Variants in MTR observed in about 807,000 individuals in gnomAD.
MTR encodes the protein methionine synthase.
Under a neutral mutation model 154.8 loss-of-function variants are expected in MTR, and 84 were observed. The ratio of observed to expected loss-of-function variants is 0.54; its 90% CI spans 0.45 to 0.65. The LOEUF (loss-of-function observed/expected upper bound fraction) is 0.65, where lower values mean the gene tolerates loss of function less well. Among genes scored for constraint, MTR ranks in the 30% least tolerant of loss-of-function variants. MTR has a pLI of 0.00. For synonymous variants in MTR, 554 were observed against 553.9 expected, an observed-to-expected ratio of 1.00 and a Z score of 0.00; for missense variants, 1,275 against 1,570.2, an observed-to-expected ratio of 0.81 and a Z score of 3.18.
chr1:236,875,744 A>G (rs1665396070), intron 24 of MTR, among the ~76,000 whole-genome samples: 1 of 152,216 alleles, frequency 6.6e-6, no homozygotes, highest in South Asian at 2.1e-4. Flanking sequence ...TGCAAAAGAA[A>G]AGTGTTCCTT....
In MTR at chr1:236,903,150, C is replaced by CT. The variant is rs1438012334; in HGVS notation, c.*5507dup. 6.6e-6 allele frequency: 1 copy of CT among 152,122 alleles called. No individual in the cohort carries two copies. The highest frequency in any genetic ancestry group is 1.5e-5 in the Non-Finnish European group (1 of 68,024). 9.4% of individuals were successfully genotyped at this position (152,122 alleles called of 1,614,324 possible). On this transcript the variant is annotated 3_prime_UTR_variant, in exon 33 of 33. Coordinates refer to ENST00000366577, the MANE Select transcript of MTR (RefSeq NM_000254.3). ...TCTTAAAAAATAAAAAATAAAAAGT[C>CT]TAAGAGGATACACAGAAATTTTTAA...
At chr1:236,840,994 C>T (rs1663196686) in intron 15 of MTR, among the ~76,000 whole-genome samples, 1 of 152,088 alleles carries the variant, frequency 6.6e-6, no homozygotes, top group Non-Finnish European at 1.5e-5. Context: ...GGTGTGGGAC[C>T]TTTTGATAAT....
chr1:236,851,264 C>T (rs1252138066), intron 16 of MTR, among the ~76,000 whole-genome samples: 3 of 152,306 alleles, frequency 2.0e-5, no homozygotes, highest in Non-Finnish European at 4.4e-5. Flanking sequence ...CTTATTTCAG[C>T]TCTCATCCTG....
At position 236,889,326 on chromosome 1, in the gene MTR, C is replaced by A; in HGVS notation, c.2997C>A (p.Asp999Glu). 6.2e-7 allele frequency: 1 copy of A among 1,614,198 alleles called. No homozygotes were observed. The highest frequency in any genetic ancestry group is 8.5e-7 in the Non-Finnish European group (1 of 1,180,042). ...GAGGCTTTCCCAAGATATTTAACGA[C>A]AAAACAGTAGGTTAGTGCAGTAAGT... ...PNRGFPKIFNDKTVGGEARKV... is the reference protein window; with the variant it reads ...PNRGFPKIFNEKTVGGEARKV... The change falls in exon 28 of 33, where the codon GAC becomes GAA. Residue 999 changes from aspartate (D) to glutamate (E), a missense_variant. Coordinates refer to ENST00000366577, the MANE Select transcript of MTR (RefSeq NM_000254.3).
intron 7 of MTR, 58 bp from the exon 8 acceptor site, chr1:236,816,391 A>C: frequency 7.1e-7 from 1 of 1,414,106 alleles, no homozygotes; most frequent in Non-Finnish European, 1.0e-6. Flanking sequence ...TTTTGCCTTT[A>C]TATCTATATT....
intron 5 of MTR, among the ~76,000 whole-genome samples, chr1:236,811,979 T>C (rs1424284246): frequency 6.6e-6 from 1 of 152,218 alleles, no homozygotes; most frequent in Non-Finnish European, 1.5e-5. Context: ...CTCCTGGGTT[T>C]GAGCGATTAT....
chr1:236,870,958 T>A (rs1459257674), intron 22 of MTR, among the ~76,000 whole-genome samples: 1 of 152,170 alleles, frequency 6.6e-6, no homozygotes, highest in African/African-American at 2.4e-5. Flanking sequence ...TCTCACTACC[T>A]ACACTGCTTC....
intron 16 of MTR, among the ~76,000 whole-genome samples, chr1:236,851,568 A>G (rs1355095867): frequency 6.6e-6 from 1 of 152,236 alleles, no homozygotes; most frequent in Non-Finnish European, 1.5e-5. Context: ...GTTGACAAAA[A>G]TGTCATCAGA....
intron 15 of MTR, among the ~76,000 whole-genome samples, chr1:236,846,244 A>G (rs1025089853): frequency 6.6e-6 from 1 of 152,252 alleles, no homozygotes; most frequent in African/African-American, 2.4e-5. Flanking sequence ...TGGGACAAGT[A>G]TACTGACTCT....
At chr1:236,871,932 C>T in intron 22 of MTR, among the ~76,000 whole-genome samples, 1 of 152,020 alleles carries the variant, frequency 6.6e-6, no homozygotes, top group East Asian at 1.9e-4. Flanking sequence ...CCCTTCCTGC[C>T]CCAGCGTTCA....
chr1:236,860,311 T>A (rs1006819848), intron 19 of MTR, among the ~76,000 whole-genome samples: 1 of 152,108 alleles, frequency 6.6e-6, no homozygotes, highest in African/African-American at 2.4e-5. Context: ...CAAGTCAGTT[T>A]CATAGTTGGA....
chr1:236,889,762 G>A (rs1666214415), intron 28 of MTR, among the ~76,000 whole-genome samples: 1 of 152,176 alleles, frequency 6.6e-6, no homozygotes, highest in African/African-American at 2.4e-5. Flanking sequence ...TGACGATTCA[G>A]TGGGAGTTGC....
intron 16 of MTR, 98 bp from the exon 17 acceptor site, chr1:236,852,423 G>GTTTTTT: frequency 2.3e-6 from 2 of 875,640 alleles, no homozygotes; most frequent in Non-Finnish European, 3.8e-6. Flanking sequence ...GATGCTTTTT[G>GTTTTTT]TTTTTTTTTC....
chr1:236,895,231 A>T (rs888217922), intron 30 of MTR, 127 bp from the exon 31 acceptor site: 8 of 1,061,992 alleles, frequency 7.5e-6, no homozygotes, highest in Non-Finnish European at 9.9e-6. Context: ...CCTCTTGTCA[A>T]ATTTCCCCTG....
rs554262345 is a variant in MTR at position 236,851,390 on chromosome 1, C to T, written c.1695+867C>T. ...CTAGTGCTGTCTAGTGTTCTAAGCA[C>T]AAGAAGGCTGTGATGTTCCTTAGGG... On this transcript the variant is annotated intron_variant, in intron 16 of 32. Coordinates refer to ENST00000366577, the MANE Select transcript of MTR (RefSeq NM_000254.3). 2.6e-5 allele frequency among the ~76,000 whole-genome samples: 4 copies of T among 152,290 alleles called. No homozygotes were observed. In the South Asian group the frequency reaches 8.3e-4, roughly 32 times the overall value.
At chr1:236,802,229 G>A (rs1041113194) in intron 1 of MTR, among the ~76,000 whole-genome samples, 7 of 152,168 alleles carry the variant, frequency 4.6e-5, no homozygotes, top group Admixed American at 6.5e-5. Flanking sequence ...CAGAAATCAG[G>A]AGATGAGACA....
In MTR at chr1:236,886,314, G is replaced by A; in HGVS notation, c.2798G>A (p.Ser933Asn). 2 of 1,614,130 alleles carry A rather than the reference G, an allele frequency of 1.2e-6. No individual in the cohort carries two copies. The highest frequency in any genetic ancestry group is 1.3e-5 in the African/African-American group (1 of 75,052). Reference protein sequence around the residue: ...SLKERRYLPLSQARKSGFQMD... With the variant: ...SLKERRYLPLNQARKSGFQMD... ...CAGGAGAGGAGATACTTACCCTTAAGTCAAGCCAGAAAAAGTGGTTTCCAA... is the reference window on the plus strand; with the variant it reads ...CAGGAGAGGAGATACTTACCCTTAAATCAAGCCAGAAAAAGTGGTTTCCAA... The change falls in exon 27 of 33, where the codon AGT becomes AAT. Residue 933 changes from serine (S) to asparagine (N), a missense_variant. By Grantham distance (46) the Ser-to-Asn change is conservative. Transcript: ENST00000366577.
intron 19 of MTR, 28 bp from the exon 20 acceptor site, chr1:236,861,097 C>CTTTTTTTTTTTTTTTTTTCTTTTTTTTT: frequency 1.7e-6 from 2 of 1,156,660 alleles, no homozygotes; most frequent in Non-Finnish European, 2.3e-6. Flanking sequence ...CTTTCTTTTT[C>CTTTTTTTTTTTTTTTTTTCTTTTTTTTT]TTTTTTTTTT....
At position 236,795,305 on chromosome 1, in the gene MTR, C is replaced by T. The variant is rs979284232; in HGVS notation, c.-399C>T. 1 of 1,225,086 alleles carries T rather than the reference C, an allele frequency of 8.2e-7. No homozygotes were observed. The highest frequency in any genetic ancestry group is 1.0e-6 in the Non-Finnish European group (1 of 958,332). 75.9% of individuals were successfully genotyped at this position (1,225,086 alleles called of 1,614,324 possible). A position where few individuals can be genotyped will look rare whatever the true frequency, so the allele number is the denominator to read the frequency against. Reference sequence around the variant, plus strand: ...TAGATTGAGCGCAGAACTAACCGCGCTCTGAAAGGTTCTAAATGTCTGCGG... The same window carrying T: ...TAGATTGAGCGCAGAACTAACCGCGTTCTGAAAGGTTCTAAATGTCTGCGG... On this transcript the variant is annotated 5_prime_UTR_variant, in exon 1 of 33. Transcript: ENST00000366577.
Sources: allele counts gnomAD v4.1 joint callset (sites outside exome capture counted in the v4.1 genomes callset), GRCh38; gene constraint gnomAD v4.1.1; transcripts MANE v1.5; gene names NCBI Gene and HGNC (gene_info 2026-07-23, HGNC 2026-07-21).